The following CHODL variants were observed in gnomAD, a reference collection of about 807,000 sequenced individuals.
CHODL encodes the protein chondrolectin.
Under a neutral mutation model 34.5 loss-of-function variants are expected in CHODL, and 29 were observed. The observed-to-expected ratio is 0.84, with a 90% CI of 0.63 to 1.15. CHODL has a LOEUF of 1.15. Ranked by LOEUF, CHODL falls within the 50% of genes most tolerant of loss-of-function variation. CHODL has a pLI of 0.00. For synonymous variants in CHODL, 125 were observed against 116.1 expected (o/e 1.08, Z -0.49); for missense variants, 332 against 332.5 (o/e 1.00, Z 0.01).
At chr21:18,006,365 AAAAG>A (rs1189279447) in intron 1 of CHODL, among the ~76,000 whole-genome samples, 3 of 151,942 alleles carry the variant, frequency 2.0e-5, no homozygotes, top group South Asian at 2.1e-4. Flanking sequence ...AGAAAAAAAA[AAAAG>A]AAAAAAAAAT....
chr21:18,099,113 G>T (rs1371654968), intron 2 of CHODL, among the ~76,000 whole-genome samples: 2 of 151,848 alleles, frequency 1.3e-5, no homozygotes, highest in African/African-American at 4.8e-5. Context: ...TAGGGGTTGG[G>T]GTTGGTTAGT....
intron 2 of CHODL, among the ~76,000 whole-genome samples, chr21:18,061,308 C>G (rs934236083): frequency 3.9e-5 from 6 of 152,070 alleles, no homozygotes; most frequent in African/African-American, 1.4e-4. Context: ...GATGATAAGT[C>G]CTTCAATGGA....
intron 2 of CHODL, among the ~76,000 whole-genome samples, chr21:18,049,812 C>T (rs979042018): frequency 2.0e-5 from 3 of 151,946 alleles, no homozygotes; most frequent in African/African-American, 7.2e-5. Context: ...TCTTCAAATA[C>T]GGCTGCATTA....
At chr21:17,992,256 TG>T (rs1290889608) in intron 1 of CHODL, among the ~76,000 whole-genome samples, 1 of 152,222 alleles carries the variant, frequency 6.6e-6, no homozygotes, top group Admixed American at 6.5e-5. Context: ...AGTCAGGTAG[TG>T]TGATGCCTCT....
chr21:18,131,111 A>G (rs1009772334), intron 2 of CHODL, among the ~76,000 whole-genome samples: 1 of 151,858 alleles, frequency 6.6e-6, no homozygotes, highest in African/African-American at 2.4e-5. Flanking sequence ...AGAGGAAGAC[A>G]GAGAGAGAAA....
intron 2 of CHODL, among the ~76,000 whole-genome samples, chr21:18,065,555 G>T (rs1273198694): frequency 6.6e-6 from 1 of 152,130 alleles, no homozygotes; most frequent in Non-Finnish European, 1.5e-5. Context: ...AGAAGGGAAG[G>T]ATTTTACCCA....
chr21:18,086,317 T>C (rs1455682508), intron 2 of CHODL, among the ~76,000 whole-genome samples: 1 of 152,066 alleles, frequency 6.6e-6, no homozygotes, highest in Admixed American at 6.6e-5. Flanking sequence ...TTGAGCTCCT[T>C]TTAAATCAAT....
At chr21:17,958,774 C>G (rs1267029184) in intron 1 of CHODL, among the ~76,000 whole-genome samples, 1 of 152,006 alleles carries the variant, frequency 6.6e-6, no homozygotes, top group Non-Finnish European at 1.5e-5. Context: ...TGCAGTAAGC[C>G]TTTGATAATA....
intron 1 of CHODL, among the ~76,000 whole-genome samples, chr21:18,000,533 G>A (rs1014789060): frequency 2.0e-5 from 3 of 152,090 alleles, no homozygotes; most frequent in Non-Finnish European, 4.4e-5. Flanking sequence ...TGCCACTCCT[G>A]TTTGTGTCTC....
At chr21:18,241,891 C>T (rs2074085746), upstream of CHODL, among the ~76,000 whole-genome samples, 1 of 152,114 alleles carries the variant, frequency 6.6e-6, no homozygotes, top group East Asian at 1.9e-4. Context: ...GCCACTTTTA[C>T]TGAGATCATC....
intron 1 of CHODL, among the ~76,000 whole-genome samples, chr21:17,933,085 G>A (rs535181016): frequency 1.3e-5 from 2 of 152,248 alleles, no homozygotes; most frequent in East Asian, 1.9e-4. Context: ...ATTGCTGCCC[G>A]CCTGTCCCAC....
At chr21:17,926,982 ACACACACACACG>A (rs1420551048) in intron 1 of CHODL, among the ~76,000 whole-genome samples, 4 of 151,310 alleles carry the variant, frequency 2.6e-5, no homozygotes, top group Non-Finnish European at 5.9e-5. Context: ...ACACAGACAC[ACACACACACACG>A]CACACACACA....
chr21:18,137,935 T>C (rs1020499033), intron 2 of CHODL, among the ~76,000 whole-genome samples: 3 of 152,130 alleles, frequency 2.0e-5, no homozygotes, highest in African/African-American at 7.2e-5. Context: ...TAAGAACACT[T>C]TCTTGCTGAA....
intron 1 of CHODL, among the ~76,000 whole-genome samples, chr21:18,020,870 T>C (rs2064121794): frequency 6.6e-6 from 1 of 152,140 alleles, no homozygotes; most frequent in Non-Finnish European, 1.5e-5. Context: ...TTTGGGAGGC[T>C]GAGATGGGAG....
At chr21:18,065,450 A>G (rs980213079) in intron 2 of CHODL, among the ~76,000 whole-genome samples, 1 of 152,206 alleles carries the variant, frequency 6.6e-6, no homozygotes, top group Non-Finnish European at 1.5e-5. Flanking sequence ...TCACGCAAGG[A>G]GTTTTGAGCA....
At chr21:18,173,588 G>C (rs2073257123) in intron 2 of CHODL, among the ~76,000 whole-genome samples, 1 of 152,076 alleles carries the variant, frequency 6.6e-6, no homozygotes, top group African/African-American at 2.4e-5. Flanking sequence ...GGTCTTTTCA[G>C]GGCTTGCTTA....
In CHODL at chr21:18,232,942, G is replaced by GATATATATATATATATAT. The variant is rs371388519; in HGVS notation, c.-44-23554_-44-23537dup. Among the ~76,000 whole-genome samples the GATATATATATATATATAT allele has an allele frequency of 7.4e-4, 88 of 119,382 alleles. 1 individual carries two copies. The highest frequency in any genetic ancestry group is 3.1e-3 in the African/African-American group (83 of 27,140). The allele number at this position is 119,382 out of a possible 152,430, so 78.3% of individuals were successfully genotyped here. A position where few individuals can be genotyped will look rare whatever the true frequency, so the allele number is the denominator to read the frequency against. ...AATTATGGGGTCCACATGATGTTAT[G>GATATATATATATATATAT]ATATATATATATATATATATATATA... On this transcript the variant is annotated intron_variant, in intron 2 of 6. Coordinates refer to the CHODL transcript ENST00000400127.
intron 2 of CHODL, among the ~76,000 whole-genome samples, chr21:18,095,022 G>A (rs976240610): frequency 6.6e-6 from 1 of 151,994 alleles, no homozygotes; most frequent in African/African-American, 2.4e-5. Flanking sequence ...TACTCAGGAG[G>A]CTGAGGCAGG....
chr21:18,026,859 T>C (rs2064181076), intron 1 of CHODL, among the ~76,000 whole-genome samples: 1 of 152,218 alleles, frequency 6.6e-6, no homozygotes, highest in African/African-American at 2.4e-5. Context: ...AAACACAATC[T>C]TTACTTTTTT....
Sources: allele counts gnomAD v4.1 joint callset (sites outside exome capture counted in the v4.1 genomes callset), GRCh38; gene constraint gnomAD v4.1.1; transcripts MANE v1.5; gene names NCBI Gene and HGNC (gene_info 2026-07-23, HGNC 2026-07-21).